Variants in OSBPL3 observed in about 807,000 individuals in gnomAD.
OSBPL3 encodes oxysterol binding protein like 3.
In OSBPL3, 65 loss-of-function variants were observed where a neutral mutation model predicts 120.1. The observed-to-expected ratio is 0.54, with a 90% CI of 0.44 to 0.67. OSBPL3 has a LOEUF of 0.67. Ranked by LOEUF, OSBPL3 falls within the 30% of genes least tolerant of loss-of-function variation. The probability of loss-of-function intolerance (pLI) is 0.00; values close to 1 mark genes in which losing one functional copy is unlikely to be tolerated. For synonymous variants in OSBPL3, 416 were observed against 402.6 expected, an observed-to-expected ratio of 1.03 and a Z score of -0.40; for missense variants, 1,004 against 1,082.1, an observed-to-expected ratio of 0.93 and a Z score of 1.01.
Position 24,865,056 on chromosome 7 carries a change from C to T in OSBPL3, c.673+286G>A, listed in dbSNP as rs549371193. ...TTCTTGGATGTGTGTCAGACTCTGC[C>T]CTTGGAGACTGACTTATAGGCCCAT... On this transcript the variant is annotated intron_variant, in intron 7 of 22. Coordinates refer to ENST00000313367, the MANE Select transcript of OSBPL3 (RefSeq NM_015550.4). Among the ~76,000 whole-genome samples, 464 of 152,194 alleles carry T rather than the reference C, an allele frequency of 3.0e-3. 1 individual carries two copies. The highest frequency in any genetic ancestry group is 5.6e-3 in the Admixed American group (86 of 15,292).
chr7:24,834,877 A>G lies in OSBPL3; in HGVS notation c.1496-141T>C, dbSNP rs1402423360. The G allele has an allele frequency of 2.7e-6, 2 of 727,828 alleles. No individual in the cohort carries two copies. The highest frequency in any genetic ancestry group is 3.6e-5 in the African/African-American group (2 of 55,728). 45.1% of individuals were successfully genotyped at this position (727,828 alleles called of 1,614,324 possible). A position where few individuals can be genotyped will look rare whatever the true frequency, so the allele number is the denominator to read the frequency against. ...TGTTCAGAGTATGGCTGAAGTCAGA[A>G]AACCGGCAAAAGAATTCTGAGCAAT... On this transcript the variant is annotated intron_variant, in intron 14 of 22. Coordinates refer to ENST00000313367, the MANE Select transcript of OSBPL3 (RefSeq NM_015550.4). The surrounding 1 kb of genome is among the most constrained non-coding windows in gnomAD (Gnocchi z 5.2).
chr7:24,915,052 T>C (rs1016953921), intron 1 of OSBPL3, among the ~76,000 whole-genome samples: 3 of 152,226 alleles, frequency 2.0e-5, no homozygotes, highest in African/African-American at 7.2e-5. Flanking sequence ...CACTTTCTAC[T>C]ATCTTCAGAT....
chr7:24,861,509 C>G (rs866411675), intron 10 of OSBPL3, 104 bp downstream of exon 10: 1 of 685,154 alleles, frequency 1.5e-6, no homozygotes, highest in Middle Eastern at 4.5e-4. Flanking sequence ...CTTAATAGAG[C>G]AGAAAATGAA....
rs1276232827 is a variant in OSBPL3, at chr7:24,966,507, G to A, written c.-150+13379C>T. On this transcript the variant is annotated intron_variant, in intron 1 of 22. Transcript: ENST00000313367. The surrounding 1 kb of genome is among the most constrained non-coding windows in gnomAD (Gnocchi z 4.8). ...TTTTGCCCCACGCGATCAAAGACTA[G>A]AAAAACAGGAATTACAAGTCAGAAG... 2.0e-5 allele frequency among the ~76,000 whole-genome samples: 3 copies of A among 152,184 alleles called. No homozygotes were observed. Among genetic ancestry groups the A allele is most frequent in the Non-Finnish European group, 1.5e-5 (1 of 68,030 alleles).
chr7:24,877,650 C>T lies in OSBPL3; in HGVS notation c.97-5581G>A, dbSNP rs1803036222. Among the ~76,000 whole-genome samples, 1 of 152,144 alleles carries T rather than the reference C, an allele frequency of 6.6e-6. No homozygotes were observed. Among genetic ancestry groups the T allele is most frequent in the South Asian group, 2.1e-4 (1 of 4,830 alleles). On this transcript the variant is annotated intron_variant, in intron 2 of 22. Coordinates refer to ENST00000313367, the MANE Select transcript of OSBPL3 (RefSeq NM_015550.4). This position sits in a 1 kb window ranked among gnomAD's most constrained non-coding sequence, Gnocchi z 4.8. ...GGGGTATCAAAAGAGTCCCCCAGAA[C>T]CTTCGGGACATGGGACTTTAATAAT...
At chr7:24,941,642 G>GTA (rs1813123325) in intron 1 of OSBPL3, among the ~76,000 whole-genome samples, 1 of 152,164 alleles carries the variant, frequency 6.6e-6, no homozygotes, top group Non-Finnish European at 1.5e-5. Flanking sequence ...ATAGGTGACA[G>GTA]TATTCCCACC....
Position 24,883,219 on chromosome 7 carries a change from A to G in OSBPL3, c.96+9158T>C, listed in dbSNP as rs1372315663. On this transcript the variant is annotated intron_variant, in intron 2 of 22. Transcript: ENST00000313367. This position sits in a 1 kb window ranked among gnomAD's most constrained non-coding sequence, Gnocchi z 5.4. ...TTTAGGGTGATGTGGGCTTGTGAAC[A>G]GATGCAGTGGAAAACACAGCTGAAC... 6.6e-6 allele frequency among the ~76,000 whole-genome samples: 1 copy of G among 152,212 alleles called. No homozygotes were observed. The highest frequency in any genetic ancestry group is 1.9e-4 in the East Asian group (1 of 5,202).
At chr7:24,895,383 T>C (rs571497612) in intron 1 of OSBPL3, among the ~76,000 whole-genome samples, 9 of 152,344 alleles carry the variant, frequency 5.9e-5, no homozygotes, top group Non-Finnish European at 1.2e-4. Flanking sequence ...CTGGGAGCAG[T>C]AGGCTGTACC....
intron 1 of OSBPL3, among the ~76,000 whole-genome samples, chr7:24,923,327 T>A (rs369425983): frequency 2.0e-5 from 3 of 152,276 alleles, no homozygotes; most frequent in East Asian, 3.9e-4. Context: ...AGCATCCAGG[T>A]CTGTGCCTCA....
At chr7:24,911,130 T>A (rs982703276) in intron 1 of OSBPL3, among the ~76,000 whole-genome samples, 1 of 152,242 alleles carries the variant, frequency 6.6e-6, no homozygotes, top group Non-Finnish European at 1.5e-5. Flanking sequence ...TGTTTGAGCA[T>A]CTTATGCCAG....
At chr7:24,865,922 T>A (rs1340262793) in intron 6 of OSBPL3, 148 bp downstream of exon 6, 1 of 638,400 alleles carries the variant, frequency 1.6e-6, no homozygotes. Flanking sequence ...TCTGACTCAG[T>A]GGGCAAACAG....
At position 24,946,997 on chromosome 7, in the gene OSBPL3, C is replaced by A. The variant is rs1813810416; in HGVS notation, c.-150+32889G>T. Among the ~76,000 whole-genome samples, 1 of 152,178 alleles carries A rather than the reference C, an allele frequency of 6.6e-6. No individual in the cohort carries two copies. The highest frequency in any genetic ancestry group is 2.4e-5 in the African/African-American group (1 of 41,446). ...TAAGCATTATTGTTCATTATTCTTG[C>A]CGCTTTCATGTCTTTAAATTGTACA... On this transcript the variant is annotated intron_variant, in intron 1 of 22. Coordinates refer to ENST00000313367, the MANE Select transcript of OSBPL3 (RefSeq NM_015550.4). The surrounding 1 kb of genome is among the most constrained non-coding windows in gnomAD (Gnocchi z 4.3).
chr7:24,945,926 G>A (rs546903212), intron 1 of OSBPL3, among the ~76,000 whole-genome samples: 1 of 152,308 alleles, frequency 6.6e-6, no homozygotes, highest in South Asian at 2.1e-4. Context: ...CCAAAACATA[G>A]CAGCTATTTT....
Position 24,813,972 on chromosome 7 carries a change from G to T in OSBPL3, c.2172+1087C>A, listed in dbSNP as rs1238516898. 2.6e-5 allele frequency among the ~76,000 whole-genome samples: 4 copies of T among 152,140 alleles called. No homozygotes were observed. The highest frequency in any genetic ancestry group is 9.7e-5 in the African/African-American group (4 of 41,430). On this transcript the variant is annotated intron_variant, in intron 19 of 22. Transcript: ENST00000313367. This position sits in a 1 kb window ranked among gnomAD's most constrained non-coding sequence, Gnocchi z 4.5. The stretch of plus-strand genomic sequence containing the variant: ...GCCAGACACCATTGCAGGAATCAGG[G>T]CTACAGAAGTGAGCAAGATAGACTA...
rs1554404694 is a variant in OSBPL3 at position 24,916,915 on chromosome 7, T to TCCA, written c.-149-24297_-149-24295dup. Among the ~76,000 whole-genome samples, 1,496 of 84,282 alleles carry TCCA rather than the reference T, an allele frequency of 0.018. 34 individuals are homozygous for TCCA. The highest frequency in any genetic ancestry group is 0.015 in the Non-Finnish European group (647 of 44,346). 55.3% of individuals were successfully genotyped at this position (84,282 alleles called of 152,430 possible). ...GGCAGCCACTAAGACGTCTTCCATT[T>TCCA]CCACCCCCCCCAACCTTTTTAGAAA... On this transcript the variant is annotated intron_variant, in intron 1 of 22. Transcript: ENST00000313367. This position sits in a 1 kb window ranked among gnomAD's most constrained non-coding sequence, Gnocchi z 4.9.
chr7:24,810,684 A>G (rs1015575402), intron 19 of OSBPL3, among the ~76,000 whole-genome samples: 2 of 152,044 alleles, frequency 1.3e-5, no homozygotes, highest in Admixed American at 6.6e-5. Flanking sequence ...GCATTTCCCA[A>G]TCCTCCCCTC....
At chr7:24,810,091 GT>G in intron 19 of OSBPL3, 140 bp from the exon 20 acceptor site, 3 of 831,796 alleles carry the variant, frequency 3.6e-6, no homozygotes, top group East Asian at 2.5e-5. Flanking sequence ...TCTGGGTTCC[GT>G]TTTTTTAACC....
chr7:24,916,870 A>T lies in OSBPL3; in HGVS notation c.-149-24249T>A, dbSNP rs1278248002. ...CACCACAATGGTGACATATACCAAC[A>T]CACACAAACCAGGTTTACTGGCAGC... is the stretch of plus-strand genomic sequence containing the variant. On this transcript the variant is annotated intron_variant, in intron 1 of 22. Transcript: ENST00000313367. This position sits in a 1 kb window ranked among gnomAD's most constrained non-coding sequence, Gnocchi z 4.9. Among the ~76,000 whole-genome samples, 1 of 152,034 alleles carries T rather than the reference A, an allele frequency of 6.6e-6. No individual in the cohort carries two copies. The highest frequency in any genetic ancestry group is 1.9e-4 in the East Asian group (1 of 5,186).
At chr7:24,814,365 G>A (rs535479990) in intron 19 of OSBPL3, among the ~76,000 whole-genome samples, 9 of 151,962 alleles carry the variant, frequency 5.9e-5, no homozygotes, top group East Asian at 1.9e-4. Context: ...CCTGTGCAGC[G>A]CCCGACAGGC....
Sources: allele counts gnomAD v4.1 joint callset (sites outside exome capture counted in the v4.1 genomes callset), GRCh38; gene constraint gnomAD v4.1.1; non-coding constraint Gnocchi (gnomAD v3.1); transcripts MANE v1.5; gene names NCBI Gene and HGNC (gene_info 2026-07-23, HGNC 2026-07-21).